The following IQCH variants were observed in gnomAD, a reference collection of about 807,000 sequenced individuals.
IQCH encodes the protein IQ domain-containing protein H.
In IQCH, 98 loss-of-function variants were observed where a neutral mutation model predicts 117.0. That is an observed-to-expected ratio of 0.84 (90% confidence interval 0.71 to 0.99). The LOEUF (loss-of-function observed/expected upper bound fraction) is 0.99. Ranked by LOEUF, IQCH falls within the 50% of genes least tolerant of loss-of-function variation. The pLI is 0.00. For missense variants in IQCH, 1,102 were observed against 1,243.8 expected (o/e 0.89, Z 1.72); for synonymous variants, 412 against 448.2 (o/e 0.92, Z 1.02).
Position 67,457,000 on chromosome 15 carries a change from G to A in IQCH, c.2506-8127G>A, listed in dbSNP as rs2082673583. On this transcript the variant is annotated intron_variant, in intron 16 of 20. Transcript: ENST00000335894. This position sits in a 1 kb window ranked among gnomAD's most constrained non-coding sequence, Gnocchi z 5.1. ...AAGATGAGTAGGATTAACAGAGACA[G>A]AGGGGAAGGCCTCTAAGCTGAAAAC... 6.6e-6 allele frequency among the ~76,000 whole-genome samples: 1 copy of A among 152,204 alleles called. No individual in the cohort carries two copies. Among genetic ancestry groups the A allele is most frequent in the Non-Finnish European group, 1.5e-5 (1 of 68,028 alleles).
chr15:67,295,802 T>C (rs942711069), intron 4 of IQCH, among the ~76,000 whole-genome samples: 8 of 152,178 alleles, frequency 5.3e-5, no homozygotes, highest in African/African-American at 1.9e-4. Context: ...CCCTTTCCTA[T>C]TAAGGCCAGC....
chr15:67,373,381 C>G lies in IQCH; in HGVS notation c.1320C>G (p.Asn440Lys), dbSNP rs376999810. The G allele has an allele frequency of 6.2e-7, 1 of 1,612,218 alleles. No individual in the cohort carries two copies. Among genetic ancestry groups the G allele is most frequent in the Non-Finnish European group, 8.5e-7 (1 of 1,178,572 alleles). ...TTGATTTTTAGCATCTGGCAGCCAA[C>G]TGGAATCGCATCAGGACCTCCAGGA... ...FRIRAKHLAA[N>K]WNRIRTSRRT... The change falls in exon 10 of 21, where the codon AAC becomes AAG. Residue 440 changes from asparagine (N) to lysine (K), a missense_variant. This residue lies in a region of IQCH where 650 missense variants were observed against 794.3 expected (regional missense o/e 0.82). Transcript: ENST00000335894.
chr15:67,337,354 A>G (rs907013774), intron 5 of IQCH, among the ~76,000 whole-genome samples: 1 of 152,222 alleles, frequency 6.6e-6, no homozygotes, highest in Non-Finnish European at 1.5e-5. Flanking sequence ...GTTATTACCT[A>G]TTAAAATGAT....
intron 1 of IQCH, among the ~76,000 whole-genome samples, chr15:67,260,852 C>T (rs1034273655): frequency 6.6e-6 from 1 of 152,018 alleles, no homozygotes; most frequent in East Asian, 1.9e-4. Flanking sequence ...AATCCCAGCA[C>T]TTTGGGAGGC....
At chr15:67,410,756 C>T (rs1325593171) in intron 14 of IQCH, among the ~76,000 whole-genome samples, 1 of 152,210 alleles carries the variant, frequency 6.6e-6, no homozygotes, top group Non-Finnish European at 1.5e-5. Context: ...GACATAGATG[C>T]TGGGCAGCCA....
At chr15:67,410,365 A>G (rs1185550076) in intron 14 of IQCH, among the ~76,000 whole-genome samples, 1 of 152,240 alleles carries the variant, frequency 6.6e-6, no homozygotes, top group Admixed American at 6.5e-5. Flanking sequence ...CCAAGGACCC[A>G]GTTACTTTCC....
rs1454801995 is a variant in IQCH, at chr15:67,443,182, C to T, written c.2505+21605C>T. On this transcript the variant is annotated intron_variant, in intron 16 of 20. Coordinates refer to ENST00000335894, the MANE Select transcript of IQCH (RefSeq NM_001031715.3). This position sits in a 1 kb window ranked among gnomAD's most constrained non-coding sequence, Gnocchi z 5.0. ...TAATTTTTTGTATTTTTAGTAGAGA[C>T]GGGGTTTCACCGTGTTAACCAGGAT... Among the ~76,000 whole-genome samples, 3 of 152,048 alleles carry T rather than the reference C, an allele frequency of 2.0e-5. No homozygotes were observed. Among genetic ancestry groups the T allele is most frequent in the Non-Finnish European group, 4.4e-5 (3 of 67,996 alleles).
chr15:67,482,936 A>T (rs2083378062), intron 18 of IQCH, among the ~76,000 whole-genome samples: 1 of 151,982 alleles, frequency 6.6e-6, no homozygotes. Flanking sequence ...CTAAGGGTAG[A>T]CTCTTACATC....
At chr15:67,351,529 T>C (rs1009899188) in intron 6 of IQCH, among the ~76,000 whole-genome samples, 6 of 152,190 alleles carry the variant, frequency 3.9e-5, no homozygotes, top group Admixed American at 2.0e-4. Context: ...TCAATATGAG[T>C]GGAAATGTTG....
intron 6 of IQCH, among the ~76,000 whole-genome samples, chr15:67,347,216 A>G (rs896247599): frequency 4.0e-5 from 6 of 151,758 alleles, no homozygotes; most frequent in African/African-American, 1.5e-4. Context: ...AAAAAAAAAA[A>G]AGGAATTCAG....
Position 67,259,832 on chromosome 15 carries a change from A to G in IQCH, c.52-1440A>G, listed in dbSNP as rs190644694. On this transcript the variant is annotated intron_variant, in intron 1 of 20. Coordinates refer to ENST00000335894, the MANE Select transcript of IQCH (RefSeq NM_001031715.3). ...TTTGGACAAAACAATAGAAAGAAGTATATCTTTATCTTTAGTGCTTACAAG... is the reference window on the plus strand; with the variant it reads ...TTTGGACAAAACAATAGAAAGAAGTGTATCTTTATCTTTAGTGCTTACAAG... Among the ~76,000 whole-genome samples, 3 of 152,352 alleles carry G rather than the reference A, an allele frequency of 2.0e-5. No individual in the cohort carries two copies. The East Asian group carries it at 5.8e-4, about 29-fold the overall frequency.
chr15:67,383,352 GA>G (rs1193245492), intron 10 of IQCH, among the ~76,000 whole-genome samples: 3 of 152,174 alleles, frequency 2.0e-5, no homozygotes, highest in Admixed American at 6.5e-5. Flanking sequence ...TTGGAAAACT[GA>G]CTTCAAACAC....
At chr15:67,373,582 G>A in intron 10 of IQCH, 149 bp downstream of exon 10, 2 of 692,956 alleles carry the variant, frequency 2.9e-6, no homozygotes, top group Non-Finnish European at 5.2e-6. Flanking sequence ...AATAACACAG[G>A]ACCCTCGCTT....
intron 16 of IQCH, among the ~76,000 whole-genome samples, chr15:67,455,850 G>C (rs946454137): frequency 2.0e-5 from 3 of 152,196 alleles, no homozygotes; most frequent in African/African-American, 7.2e-5. Context: ...TTGAATTGCC[G>C]TGGAAGGCGC....
rs1037018238 is a variant in IQCH, at chr15:67,369,329, G to A, written c.754-2782G>A. Among the ~76,000 whole-genome samples, 2 of 152,048 alleles carry A rather than the reference G, an allele frequency of 1.3e-5. No homozygotes were observed. Among genetic ancestry groups the A allele is most frequent in the Non-Finnish European group, 1.5e-5 (1 of 68,014 alleles). ...GCCAATTAGTGAATACAGGCATCTC[G>A]CAAAGGTATGATTGTGACCCAAGAA... On this transcript the variant is annotated intron_variant, in intron 8 of 20. Coordinates refer to ENST00000335894, the MANE Select transcript of IQCH (RefSeq NM_001031715.3). The surrounding 1 kb of genome is among the most constrained non-coding windows in gnomAD (Gnocchi z 5.2).
Position 67,443,283 on chromosome 15 carries a change from C to T in IQCH, c.2505+21706C>T, listed in dbSNP as rs572139666. 2.6e-5 allele frequency among the ~76,000 whole-genome samples: 4 copies of T among 152,260 alleles called. No individual in the cohort carries two copies. Among genetic ancestry groups the T allele is most frequent in the Middle Eastern group, 3.4e-3 (1 of 294 alleles). On this transcript the variant is annotated intron_variant, in intron 16 of 20. Coordinates refer to ENST00000335894, the MANE Select transcript of IQCH (RefSeq NM_001031715.3). The surrounding 1 kb of genome is among the most constrained non-coding windows in gnomAD (Gnocchi z 5.0). ...CTGGGATTACAGGCGTGAGCCACTGCGCCCAGCCTGGAGACTGTTATTCTA... is the reference window on the plus strand; with the variant it reads ...CTGGGATTACAGGCGTGAGCCACTGTGCCCAGCCTGGAGACTGTTATTCTA...
rs898383208 is a variant in IQCH, at chr15:67,376,612, G to A, written c.1372+3179G>A. ...CCCTTCAAATGAAAGCTAAGTAGTT[G>A]ATAACTGCATAATATATTGTAGTTG... On this transcript the variant is annotated intron_variant, in intron 10 of 20. Coordinates refer to ENST00000335894, the MANE Select transcript of IQCH (RefSeq NM_001031715.3). The surrounding 1 kb of genome is among the most constrained non-coding windows in gnomAD (Gnocchi z 5.0). Among the ~76,000 whole-genome samples, 1 of 152,188 alleles carries A rather than the reference G, an allele frequency of 6.6e-6. No individual in the cohort carries two copies. Among genetic ancestry groups the A allele is most frequent in the Admixed American group, 6.5e-5 (1 of 15,276 alleles).
At chr15:67,332,681 A>G (rs970576888) in intron 4 of IQCH, among the ~76,000 whole-genome samples, 2 of 152,192 alleles carry the variant, frequency 1.3e-5, no homozygotes, top group African/African-American at 2.4e-5. Flanking sequence ...TTAAGATACA[A>G]TCAAGATTGG....
At chr15:67,256,577 G>A (rs1248959167) in intron 1 of IQCH, among the ~76,000 whole-genome samples, 1 of 152,188 alleles carries the variant, frequency 6.6e-6, no homozygotes, top group Non-Finnish European at 1.5e-5. Context: ...TCACCTCCCA[G>A]TAGCCAGGAG....
Sources: allele counts gnomAD v4.1 joint callset (sites outside exome capture counted in the v4.1 genomes callset), GRCh38; gene constraint gnomAD v4.1.1; regional missense constraint gnomAD v4.1.1; non-coding constraint Gnocchi (gnomAD v3.1); transcripts MANE v1.5; gene names NCBI Gene and HGNC (gene_info 2026-07-23, HGNC 2026-07-21).